CACNA2D3: variants seen among roughly 807,000 people sequenced by gnomAD.
The protein encoded by CACNA2D3 is voltage-dependent calcium channel subunit alpha-2/delta-3.
In CACNA2D3, 60 loss-of-function variants were observed where a neutral mutation model predicts 160.6. The ratio of observed to expected loss-of-function variants is 0.37; its 90% confidence interval spans 0.30 to 0.46. CACNA2D3 has a LOEUF of 0.46. CACNA2D3 is among the 20% of genes least tolerant of loss of function. CACNA2D3 has a pLI of 1.00. For synonymous variants in CACNA2D3, 558 were observed against 492.9 expected, an observed-to-expected ratio of 1.13 and a Z score of -1.75; for missense variants, 1,205 against 1,365.0, an observed-to-expected ratio of 0.88 and a Z score of 1.85.
chr3:54,159,543 A>AT (rs1348797872), intron 2 of CACNA2D3, among the ~76,000 whole-genome samples: 2 of 152,216 alleles, frequency 1.3e-5, no homozygotes, highest in African/African-American at 4.8e-5. Flanking sequence ...AGAAAAACAA[A>AT]TTCAATGAAC....
At chr3:54,903,649 G>T (rs1022767534) in intron 27 of CACNA2D3, among the ~76,000 whole-genome samples, 2 of 152,084 alleles carry the variant, frequency 1.3e-5, no homozygotes, top group African/African-American at 4.8e-5. Flanking sequence ...TTCTACAATG[G>T]CTGAACTAAT....
intron 17 of CACNA2D3, among the ~76,000 whole-genome samples, chr3:54,861,976 A>G (rs1241349648): frequency 1.3e-5 from 2 of 152,212 alleles, no homozygotes; most frequent in Admixed American, 6.5e-5. Flanking sequence ...TTAAAAAGAC[A>G]TATCACTGTA....
At chr3:54,341,328 C>T (rs951558365) in intron 3 of CACNA2D3, among the ~76,000 whole-genome samples, 8 of 152,182 alleles carry the variant, frequency 5.3e-5, no homozygotes, top group Admixed American at 3.3e-4. Flanking sequence ...TAGAGCCTCC[C>T]GGGGTAGATC....
intron 3 of CACNA2D3, among the ~76,000 whole-genome samples, chr3:54,346,653 A>T (rs1698463468): frequency 6.6e-6 from 1 of 152,168 alleles, no homozygotes; most frequent in Non-Finnish European, 1.5e-5. Flanking sequence ...TTAGCCTGGT[A>T]CATTTGTTGC....
At chr3:54,464,197 T>C (rs371806106) in intron 4 of CACNA2D3, among the ~76,000 whole-genome samples, 2 of 152,158 alleles carry the variant, frequency 1.3e-5, no homozygotes, top group Admixed American at 6.5e-5. Flanking sequence ...GGGTGCCTCC[T>C]AGTTAGGCTG....
rs527615209 is a variant in CACNA2D3, at chr3:54,461,166, G to A, written c.382-42326G>A. 3.3e-5 allele frequency among the ~76,000 whole-genome samples: 5 copies of A among 152,200 alleles called. No individual in the cohort carries two copies. The South Asian group carries it at 8.3e-4, about 25-fold the overall frequency. On this transcript the variant is annotated intron_variant, in intron 4 of 37. Transcript: ENST00000474759. ...GGATAAGCTTTTTGATGTGCTGCTG[G>A]ATTTGGTTTGGCAGTATTTGATTGA...
chr3:54,448,716 A>G (rs1307658178), intron 4 of CACNA2D3, among the ~76,000 whole-genome samples: 1 of 152,174 alleles, frequency 6.6e-6, no homozygotes, highest in East Asian at 1.9e-4. Flanking sequence ...CTAGACCTCT[A>G]TTGTGTTTGT....
intron 4 of CACNA2D3, among the ~76,000 whole-genome samples, chr3:54,474,101 A>G (rs867605633): frequency 4.6e-5 from 7 of 152,234 alleles, no homozygotes; most frequent in Non-Finnish European, 8.8e-5. Flanking sequence ...ATGCACGCAT[A>G]TGTTTATTGC....
chr3:54,632,170 C>T (rs1163096180), intron 10 of CACNA2D3: 1 of 152,220 alleles, frequency 6.6e-6, no homozygotes, highest in African/African-American at 2.4e-5. Context: ...CAAAATTCTA[C>T]AGCTACAGAT....
At chr3:54,272,216 C>A (rs1702637094) in intron 2 of CACNA2D3, among the ~76,000 whole-genome samples, 1 of 152,214 alleles carries the variant, frequency 6.6e-6, no homozygotes, top group South Asian at 2.1e-4. Context: ...GTCACTGCCA[C>A]CGTTGTTGAT....
At chr3:55,000,822 G>A (rs1295697099) in intron 31 of CACNA2D3, among the ~76,000 whole-genome samples, 5 of 152,158 alleles carry the variant, frequency 3.3e-5, no homozygotes, top group Non-Finnish European at 7.4e-5. Context: ...GTTATCTTGG[G>A]CAGCATTTTT....
chr3:54,145,321 A>T (rs977313104), intron 2 of CACNA2D3, among the ~76,000 whole-genome samples: 1 of 152,210 alleles, frequency 6.6e-6, no homozygotes, highest in African/African-American at 2.4e-5. Context: ...GCACGGTGGT[A>T]GGGGACCAGG....
chr3:54,627,727 A>C (rs1699153518), intron 9 of CACNA2D3, 60 bp from the exon 10 acceptor site: 2 of 1,000,096 alleles, frequency 2.0e-6, no homozygotes, highest in Admixed American at 3.9e-5. Context: ...TAATTCATTC[A>C]AGGTTGGTGT....
chr3:54,531,707 G>A (rs760978235), intron 5 of CACNA2D3, among the ~76,000 whole-genome samples: 1 of 152,226 alleles, frequency 6.6e-6, no homozygotes, highest in Non-Finnish European at 1.5e-5. Context: ...AAGTCAGAGG[G>A]ATTGGCTAGT....
intron 16 of CACNA2D3, among the ~76,000 whole-genome samples, chr3:54,845,928 C>T (rs1261889065): frequency 1.3e-5 from 2 of 152,122 alleles, no homozygotes; most frequent in Admixed American, 6.5e-5. Context: ...CCTAGGGGAG[C>T]GCCAATTTGA....
intron 35 of CACNA2D3, among the ~76,000 whole-genome samples, chr3:55,024,601 G>C (rs358047): frequency 0.64 from 96,628 of 152,010 alleles, 31,323 homozygotes; most frequent in East Asian, 0.77. Context: ...AACAAGCCCT[G>C]ACTAAACACT....
intron 2 of CACNA2D3, among the ~76,000 whole-genome samples, chr3:54,207,261 T>C (rs1701291828): frequency 6.6e-6 from 1 of 150,618 alleles, no homozygotes; most frequent in South Asian, 2.1e-4. Flanking sequence ...GTCTCACTAA[T>C]GCTGGGAGAC....
At chr3:54,514,821 C>G (rs1474734155) in intron 5 of CACNA2D3, among the ~76,000 whole-genome samples, 2 of 152,108 alleles carry the variant, frequency 1.3e-5, no homozygotes, top group Non-Finnish European at 2.9e-5. Flanking sequence ...ACACACCACA[C>G]AAGCTATTGG....
intron 5 of CACNA2D3, among the ~76,000 whole-genome samples, chr3:54,506,984 T>C (rs1701381085): frequency 6.6e-6 from 1 of 151,998 alleles, no homozygotes; most frequent in Admixed American, 6.6e-5. Context: ...ACATTATATA[T>C]ACACACATAT....
Sources: allele counts gnomAD v4.1 joint callset (sites outside exome capture counted in the v4.1 genomes callset), GRCh38; gene constraint gnomAD v4.1.1; transcripts MANE v1.5; gene names NCBI Gene and HGNC (gene_info 2026-07-23, HGNC 2026-07-21).